ABCC11: variants seen among roughly 807,000 people sequenced by gnomAD.
ABCC11 encodes ATP-binding cassette sub-family C member 11.
In ABCC11, 135 loss-of-function variants were observed where a neutral mutation model predicts 149.3. The ratio of observed to expected loss-of-function variants is 0.90; its 90% confidence interval spans 0.79 to 1.04. ABCC11 has a LOEUF of 1.04. Among genes scored for constraint, ABCC11 ranks in the 50% least tolerant of loss-of-function variants. The pLI, the probability that ABCC11 is intolerant of heterozygous loss-of-function variation, is 0.00. For missense variants in ABCC11, 1,680 were observed against 1,722.1 expected (o/e 0.98, Z 0.43); for synonymous variants, 665 against 671.4 (o/e 0.99, Z 0.15).
intron 22 of ABCC11, 97 bp from the exon 23 acceptor site, chr16:48,184,723 T>C (rs1966652522): frequency 1.6e-6 from 2 of 1,240,762 alleles, no homozygotes; most frequent in Non-Finnish European, 1.1e-6. Context: ...AGCATCCAGT[T>C]CCCCACTCCC....
intron 3 of ABCC11, among the ~76,000 whole-genome samples, chr16:48,229,453 C>CTTTTTTT (rs940739382): frequency 8.4e-6 from 1 of 119,092 alleles, no homozygotes; most frequent in Non-Finnish European, 1.7e-5. Flanking sequence ...AGGCTGGTAA[C>CTTTTTTT]TTTTTTTTTT....
At chr16:48,219,408 C>A (rs745416032) in intron 6 of ABCC11, among the ~76,000 whole-genome samples, 1 of 152,022 alleles carries the variant, frequency 6.6e-6, no homozygotes, top group South Asian at 2.1e-4. Context: ...TGAACTCAAG[C>A]GATTCATCCA....
intron 20 of ABCC11, among the ~76,000 whole-genome samples, chr16:48,189,381 TTCTAAGTATCAAAATGATCTGGGG>T (rs1382570424): frequency 1.3e-5 from 2 of 152,212 alleles, no homozygotes; most frequent in African/African-American, 4.8e-5. Flanking sequence ...TCTGATTGTC[TTCTAAGTATCAAAATGATCTGGGG>T]TTGTTCTTGT....
chr16:48,184,544 T>G lies in ABCC11; in HGVS notation c.3154A>C (p.Ile1052Leu). The G allele has an allele frequency of 6.2e-7, 1 of 1,614,198 alleles. No homozygotes were observed. The highest frequency in any genetic ancestry group is 1.3e-5 in the African/African-American group (1 of 75,048). Residue 1052 changes from isoleucine to leucine, a missense_variant, in exon 23 of 30, where the codon ATC (isoleucine) becomes CTC (leucine). By Grantham distance (5) the Ile-to-Leu change is conservative (BLOSUM62 2). Coordinates refer to ENST00000356608, the MANE Select transcript of ABCC11 (RefSeq NM_001370497.1). Reference protein sequence around the residue: ...STRWMALRLEIMTNLVTLAVA... With the variant: ...STRWMALRLELMTNLVTLAVA... ...GCCAAGGTCACAAGGTTGGTCATGA[T>G]CTCCAGCCTCAATGCCATCCATCGT...
downstream of ABCC11, among the ~76,000 whole-genome samples, chr16:48,165,462 C>T (rs977080256): frequency 3.3e-5 from 5 of 152,218 alleles, no homozygotes; most frequent in African/African-American, 1.2e-4. Context: ...CTCATTCCCG[C>T]AGGGATTTGT....
intron 28 of ABCC11, 135 bp downstream of exon 28, chr16:48,169,970 T>TGCTGTG: frequency 1.6e-6 from 1 of 636,172 alleles, no homozygotes; most frequent in Non-Finnish European, 2.8e-6. Context: ...TTGTTGTTGT[T>TGCTGTG]GTTGTTGTTG....
chr16:48,215,346 T>G lies in ABCC11; in HGVS notation c.952-2A>C. 6.2e-7 allele frequency: 1 copy of G among 1,612,758 alleles called. No individual in the cohort carries two copies. Among genetic ancestry groups the G allele is most frequent in the East Asian group, 2.2e-5 (1 of 44,836 alleles). On this transcript the variant is annotated splice_acceptor_variant, in intron 7 of 29. Transcript: ENST00000356608. LOFTEE classifies it high-confidence loss of function. ...CACAGCCATTCTTGTCATGAATACC[T>G]GGAGTCAGGATACAGCAAGTTTGGA...
chr16:48,224,102 G>A (rs751076023), intron 5 of ABCC11, among the ~76,000 whole-genome samples, 180 bp downstream of exon 5: 2 of 152,172 alleles, frequency 1.3e-5, no homozygotes, highest in South Asian at 2.1e-4. Context: ...GCCACTCCTT[G>A]GTGGTTAGCT....
At chr16:48,215,424 A>C in intron 7 of ABCC11, 80 bp from the exon 8 acceptor site, 1 of 1,490,612 alleles carries the variant, frequency 6.7e-7, no homozygotes, top group South Asian at 1.2e-5. Flanking sequence ...AGCCTGGCAT[A>C]AGTAGGGCAA....
chr16:48,237,892 G>A (rs1328611920), intron 1 of ABCC11, among the ~76,000 whole-genome samples: 1 of 152,162 alleles, frequency 6.6e-6, no homozygotes, highest in Non-Finnish European at 1.5e-5. Context: ...ATACTGCAGG[G>A]CTCAGTTCAA....
chr16:48,192,332 T>C (rs1014752043), intron 20 of ABCC11, among the ~76,000 whole-genome samples, 188 bp downstream of exon 20: 1 of 151,984 alleles, frequency 6.6e-6, no homozygotes, highest in African/African-American at 2.4e-5. Flanking sequence ...TACTCCCAGC[T>C]ACTTGGGAGG....
chr16:48,241,298 C>T (rs1252867964), intron 1 of ABCC11, among the ~76,000 whole-genome samples: 1 of 152,130 alleles, frequency 6.6e-6, no homozygotes, highest in Non-Finnish European at 1.5e-5. Context: ...TCGTGAGAAA[C>T]AGTAGATAAA....
In ABCC11 at chr16:48,167,143, CTACATTT is replaced by C; in HGVS notation, c.*124_*130del. ...TTCCATCCAGCAATCCCCACCCCCCCTACATTTACCCCTGCTTCCAGGAGAAGTTCTC... is the reference window on the plus strand; with the variant it reads ...TTCCATCCAGCAATCCCCACCCCCCCACCCCTGCTTCCAGGAGAAGTTCTC... On this transcript the variant is annotated 3_prime_UTR_variant, in exon 30 of 30. Coordinates refer to ENST00000356608, the MANE Select transcript of ABCC11 (RefSeq NM_001370497.1). 1 of 562,176 alleles carries C rather than the reference CTACATTT, an allele frequency of 1.8e-6. No homozygotes were observed. Among genetic ancestry groups the C allele is most frequent in the Non-Finnish European group, 3.4e-6 (1 of 292,990 alleles). 34.8% of individuals were successfully genotyped at this position (562,176 alleles called of 1,614,324 possible).
rs1455293410 is a variant in ABCC11, at chr16:48,222,781, A to AT, written c.593dup (p.Asn198LysfsTer47). 1.2e-6 allele frequency: 2 copies of AT among 1,614,208 alleles called. No individual in the cohort carries two copies. The highest frequency in any genetic ancestry group is 2.2e-5 in the South Asian group (2 of 91,074). On this transcript the variant is annotated frameshift_variant, in exon 6 of 30. Transcript: ENST00000356608. LOFTEE classifies it high-confidence loss of function. ...AGCAGAGTCCCACTCCATGGACAAC[A>AT]TTCCCCAACTGCTCTTCTGAATATT...
At chr16:48,212,273 C>T (rs1375219348) in intron 10 of ABCC11, among the ~76,000 whole-genome samples, 1 of 152,152 alleles carries the variant, frequency 6.6e-6, no homozygotes, top group African/African-American at 2.4e-5. Flanking sequence ...AGGGGCCTTC[C>T]CTAACCAGGC....
chr16:48,211,274 C>T, intron 10 of ABCC11, 75 bp from the exon 11 acceptor site: 6 of 1,523,584 alleles, frequency 3.9e-6, no homozygotes, highest in Non-Finnish European at 5.3e-6. Flanking sequence ...CCCAGTTTTA[C>T]AAGTCTGCCA....
chr16:48,219,602 A>C (rs1353119905), intron 6 of ABCC11, among the ~76,000 whole-genome samples: 1 of 152,240 alleles, frequency 6.6e-6, no homozygotes, highest in Non-Finnish European at 1.5e-5. Flanking sequence ...GAATGTATTC[A>C]GATAATTTTA....
Position 48,170,928 on chromosome 16 carries a change from C to A in ABCC11, c.3738G>T (p.Gln1246His). 1 of 1,614,122 alleles carries A rather than the reference C, an allele frequency of 6.2e-7. No homozygotes were observed. The highest frequency in any genetic ancestry group is 8.5e-7 in the Non-Finnish European group (1 of 1,179,948). ...ATGTCCTCTCCAAGGCATCCCAGAT[C>A]TGCTGGTCAGTGTGACGGTCAAAGG... is the stretch of plus-strand genomic sequence containing the variant. Reference protein sequence around the residue: ...LDPFDRHTDQQIWDALERTFL... With the variant: ...LDPFDRHTDQHIWDALERTFL... Residue 1246 changes from glutamine to histidine, a missense_variant, in exon 27 of 30, where the codon CAG becomes CAT. By Grantham distance (24) the Gln-to-His change is conservative (BLOSUM62 0). Coordinates refer to ENST00000356608, the MANE Select transcript of ABCC11 (RefSeq NM_001370497.1).
Position 48,215,305 on chromosome 16 carries a change from T to C in ABCC11, c.991A>G (p.Thr331Ala). Reference sequence around the variant, plus strand: ...ATGCGCTGGTCGCTGACCTCAGATGTGTGATGCTGAGCCTTCACAGCCATT... The same window carrying C: ...ATGCGCTGGTCGCTGACCTCAGATGCGTGATGCTGAGCCTTCACAGCCATT... Reference protein sequence around the residue: ...TRMAVKAQHHTSEVSDQRIRV... With the variant: ...TRMAVKAQHHASEVSDQRIRV... Residue 331 changes from threonine to alanine, a missense_variant, in exon 8 of 30, where the codon ACA (threonine) becomes GCA (alanine). Physicochemically the swap from Thr to Ala is moderately conservative, Grantham distance 58. Coordinates refer to ENST00000356608, the MANE Select transcript of ABCC11 (RefSeq NM_001370497.1). 3 of 1,614,062 alleles carry C rather than the reference T, an allele frequency of 1.9e-6. No homozygotes were observed. The highest frequency in any genetic ancestry group is 2.5e-6 in the Non-Finnish European group (3 of 1,179,916).
Sources: gnomAD v4.1 joint callset for allele counts (sites outside exome capture counted in the v4.1 genomes callset) on GRCh38, gnomAD v4.1.1 for gene constraint, MANE v1.5 for transcripts, NCBI Gene and HGNC (gene_info 2026-07-23, HGNC 2026-07-21) for gene names.